The following SPATC1 variants were observed in gnomAD, a reference collection of about 807,000 sequenced individuals.
SPATC1 encodes the protein spermatogenesis and centriole associated 1.
In SPATC1, 35 loss-of-function variants were observed where a neutral mutation model predicts 36.5. The observed-to-expected ratio is 0.96, with a 90% CI of 0.73 to 1.27. The LOEUF (loss-of-function observed/expected upper bound fraction) is 1.27, where lower values mean the gene tolerates loss of function less well. Ranked by LOEUF, SPATC1 falls within the 50% of genes most tolerant of loss-of-function variation. SPATC1 has a pLI of 0.00. For missense variants in SPATC1, 779 were observed against 796.0 expected (o/e 0.98, Z 0.26); for synonymous variants, 361 against 353.6 (o/e 1.02, Z -0.24).
chr8:144,034,739 A>G (rs1247036502), intron 1 of SPATC1, among the ~76,000 whole-genome samples: 2 of 152,022 alleles, frequency 1.3e-5, no homozygotes, highest in African/African-American at 4.8e-5. Context: ...CTCCTGCCCC[A>G]GGTTCCCGAG....
chr8:144,037,915 G>T (rs1587518265), intron 1 of SPATC1, among the ~76,000 whole-genome samples: 1 of 151,826 alleles, frequency 6.6e-6, no homozygotes, highest in East Asian at 1.9e-4. Context: ...AGATCATGAG[G>T]TCAGGAGATC....
upstream of SPATC1, among the ~76,000 whole-genome samples, chr8:144,011,741 A>G (rs1358498356): frequency 6.6e-6 from 1 of 152,122 alleles, no homozygotes; most frequent in African/African-American, 2.4e-5. The surrounding 1 kb of genome is among the most constrained non-coding windows in gnomAD (Gnocchi z 4.5). Context: ...GGGAATAGAG[A>G]TCCAAGTGCG....
rs186632231 is a variant in SPATC1, at chr8:144,040,042, C to A, written c.345C>A (p.Ser115Arg). The change falls in exon 2 of 5, where the codon AGC (serine) becomes AGA (arginine). Residue 115 changes from serine to arginine, a missense_variant. Ser to Arg is a moderately radical substitution (Grantham distance 110). Transcript: ENST00000377470. ...QPSATPGSLMSPLTGTLSTLL... is the reference protein window; with the variant it reads ...QPSATPGSLMRPLTGTLSTLL... ...GCGCCACACCGGGCTCACTCATGAG[C>A]CCCCTGACAGGCACCCTCAGCACGC... The A allele has an allele frequency of 3.2e-5, 51 of 1,613,692 alleles. No individual in the cohort carries two copies. The East Asian group carries it at 1.1e-3, about 35-fold the overall frequency.
Position 144,040,493 on chromosome 8 carries a change from GA to G in SPATC1, c.766+31del. 1.9e-6 allele frequency: 3 copies of G among 1,565,362 alleles called. No homozygotes were observed. The African/African-American group carries it at 4.1e-5, about 21-fold the overall frequency. On this transcript the variant is annotated intron_variant, in intron 2 of 4. Coordinates refer to ENST00000377470, the MANE Select transcript of SPATC1 (RefSeq NM_198572.3). ...CAGGTGTGGTGGGTGGTGGGTGGCA[GA>G]GTGGGGGGGGGCAGAGCCCTCCCAC...
intron 1 of SPATC1, among the ~76,000 whole-genome samples, chr8:144,039,705 A>G (rs918747859): frequency 6.6e-6 from 1 of 152,174 alleles, no homozygotes; most frequent in African/African-American, 2.4e-5. Context: ...CTCTGAGCAG[A>G]CACAGACTCC....
At chr8:144,031,726 T>TC (rs1205130648) in intron 1 of SPATC1, among the ~76,000 whole-genome samples, 1 of 149,178 alleles carries the variant, frequency 6.7e-6, no homozygotes, top group Non-Finnish European at 1.5e-5. Context: ...TTTCTTTCTT[T>TC]TTTTTTTTTT....
rs112063615 is a variant in SPATC1 at position 144,016,623 on chromosome 8, G to T, written c.211+3897G>T. On this transcript the variant is annotated intron_variant, in intron 1 of 4. Coordinates refer to ENST00000377470, the MANE Select transcript of SPATC1 (RefSeq NM_198572.3). This position sits in a 1 kb window ranked among gnomAD's most constrained non-coding sequence, Gnocchi z 4.5. ...ATGGTTTTTGTTTGTTTGTTTGTTT[G>T]TTTTTTTGTTTGTTTGTTTTTGAGA... Among the ~76,000 whole-genome samples, 2 of 151,124 alleles carry T rather than the reference G, an allele frequency of 1.3e-5. No homozygotes were observed. Among genetic ancestry groups the T allele is most frequent in the Admixed American group, 1.3e-4 (2 of 15,202 alleles).
chr8:144,039,922 C>T lies in SPATC1; in HGVS notation c.225C>T (p.Pro75=). 6.2e-7 allele frequency: 1 copy of T among 1,613,410 alleles called. No individual in the cohort carries two copies. The highest frequency in any genetic ancestry group is 8.5e-7 in the Non-Finnish European group (1 of 1,179,632). ...CTGTGTTCCCAGGTGTCTTCCTGCCCCCGTCCCCAGCAGTGGCAAACGAAC... is the reference window on the plus strand; with the variant it reads ...CTGTGTTCCCAGGTGTCTTCCTGCCTCCGTCCCCAGCAGTGGCAAACGAAC... ...SSRQNNGVFL[P]PSPAVANERV... is the part of the protein sequence containing the mutation. Residue 75 remains proline (P), a synonymous_variant, in exon 2 of 5, where the codon CCC becomes CCT. Transcript: ENST00000377470.
At position 144,015,542 on chromosome 8, in the gene SPATC1, G is replaced by A. The variant is rs1322652164; in HGVS notation, c.211+2816G>A. ...GGATCACCTGAGGTCAGGAGTTCAA[G>A]ACCAGCCTGGCCAACATGGTGAAAC... On this transcript the variant is annotated intron_variant, in intron 1 of 4. Transcript: ENST00000377470. 2.0e-5 allele frequency among the ~76,000 whole-genome samples: 3 copies of A among 147,768 alleles called. No homozygotes were observed. The East Asian group carries it at 6.2e-4, about 31-fold the overall frequency.
At chr8:144,012,133 G>A (rs782250393), upstream of SPATC1, among the ~76,000 whole-genome samples, 2 of 152,216 alleles carry the variant, frequency 1.3e-5, no homozygotes, top group East Asian at 1.9e-4. Flanking sequence ...GAGCTAGCAC[G>A]GAACTGGAAC....
chr8:144,032,178 C>A (rs1251254134), intron 1 of SPATC1, among the ~76,000 whole-genome samples: 3 of 152,120 alleles, frequency 2.0e-5, no homozygotes, highest in African/African-American at 7.2e-5. Context: ...TGGATAATCT[C>A]CATGGATTTA....
chr8:144,018,692 G>A (rs1199470917), intron 1 of SPATC1, among the ~76,000 whole-genome samples: 6 of 151,820 alleles, frequency 4.0e-5, no homozygotes, highest in Non-Finnish European at 2.9e-5. Context: ...CTGTTCAAAT[G>A]TTCTTCTCTG....
At chr8:144,034,556 C>G (rs1834860598) in intron 1 of SPATC1, among the ~76,000 whole-genome samples, 1 of 152,148 alleles carries the variant, frequency 6.6e-6, no homozygotes, top group Non-Finnish European at 1.5e-5. Flanking sequence ...AAGGTCACCA[C>G]CAGACACATG....
chr8:144,041,018 G>C lies in SPATC1; in HGVS notation c.1217G>C (p.Arg406Pro). The change falls in exon 3 of 5, where the codon CGC (arginine) becomes CCC (proline). Residue 406 changes from arginine (R) to proline (P), a missense_variant. Physicochemically the swap from Arg to Pro is moderately radical, Grantham distance 103. Coordinates refer to ENST00000377470, the MANE Select transcript of SPATC1 (RefSeq NM_198572.3). Reference protein sequence around the residue: ...PASVNDSRGPRTTEPSTKSMM... With the variant: ...PASVNDSRGPPTTEPSTKSMM... ...TCAGTCAATGACTCTCGAGGTCCAC[G>C]CACCACAGAACCGTCGACGAAGAGC... The C allele has an allele frequency of 3.7e-6, 6 of 1,612,004 alleles. No homozygotes were observed. The highest frequency in any genetic ancestry group is 4.2e-6 in the Non-Finnish European group (5 of 1,179,746).
At chr8:144,029,613 CA>C (rs1834755420) in intron 1 of SPATC1, among the ~76,000 whole-genome samples, 1 of 152,064 alleles carries the variant, frequency 6.6e-6, no homozygotes, top group Non-Finnish European at 1.5e-5. Context: ...TTCATTTCCA[CA>C]GTTGTGAATT....
rs782127725 is a variant in SPATC1, at chr8:144,040,345, C to T, written c.648C>T (p.Asn216=). 6.2e-7 allele frequency: 1 copy of T among 1,612,734 alleles called. No individual in the cohort carries two copies. The highest frequency in any genetic ancestry group is 8.5e-7 in the Non-Finnish European group (1 of 1,179,924). Residue 216 remains asparagine, a synonymous_variant, in exon 2 of 5, where the codon AAC becomes AAT. Transcript: ENST00000377470. ...PPGVSQNLLA[N]PMSNLVLPEA... ...GGGTCTCTCAGAACCTGCTGGCCAA[C>T]CCCATGAGCAACCTGGTCCTGCCAG... is the stretch of plus-strand genomic sequence containing the variant.
chr8:144,042,588 C>T (rs1488427121), intron 4 of SPATC1, among the ~76,000 whole-genome samples: 4 of 151,796 alleles, frequency 2.6e-5, no homozygotes, highest in African/African-American at 7.3e-5. Flanking sequence ...TCCGAAAGTG[C>T]GGGGATGACA....
chr8:144,037,156 C>T (rs1281462046), intron 1 of SPATC1, among the ~76,000 whole-genome samples: 2 of 125,176 alleles, frequency 1.6e-5, no homozygotes, highest in African/African-American at 3.4e-5. Context: ...GGGGGGTCAG[C>T]CCCCCACCCA....
rs189214617 is a variant in SPATC1 at position 144,015,042 on chromosome 8, A to T, written c.211+2316A>T. Among the ~76,000 whole-genome samples, 999 of 148,272 alleles carry T rather than the reference A, an allele frequency of 6.7e-3. 22 individuals carry two copies. Among genetic ancestry groups the T allele is most frequent in the Admixed American group, 0.034 (501 of 14,854 alleles). ...TAAATGTAATTTTTAAATATTTAAA[A>T]TTTTTTTTTTTTTGAGAGACAGAGT... On this transcript the variant is annotated intron_variant, in intron 1 of 4. Coordinates refer to ENST00000377470, the MANE Select transcript of SPATC1 (RefSeq NM_198572.3).
Sources: gnomAD v4.1 joint callset for allele counts (sites outside exome capture counted in the v4.1 genomes callset) on GRCh38, gnomAD v4.1.1 for gene constraint, Gnocchi (gnomAD v3.1) non-coding constraint, MANE v1.5 for transcripts, NCBI Gene and HGNC (gene_info 2026-07-23, HGNC 2026-07-21) for gene names.